Variants in PCDH9 observed in about 807,000 individuals in gnomAD.
The protein encoded by PCDH9 is protocadherin 9.
PCDH9 carries 24 observed loss-of-function variants against 70.6 expected under a neutral mutation model. The observed-to-expected ratio is 0.34, with a 90% CI of 0.25 to 0.48. The LOEUF is 0.48. Ranked by LOEUF, PCDH9 falls within the 20% of genes least tolerant of loss-of-function variation. The pLI, the probability that PCDH9 is intolerant of heterozygous loss-of-function variation, is 0.99. For synonymous variants in PCDH9, 562 were observed against 558.5 expected (o/e 1.01, Z -0.09); for missense variants, 1,281 against 1,503.6 (o/e 0.85, Z 2.45).
intron 4 of PCDH9, among the ~76,000 whole-genome samples, chr13:66,346,241 G>A (rs1023734740): frequency 1.3e-5 from 2 of 152,042 alleles, no homozygotes; most frequent in Admixed American, 1.3e-4. Flanking sequence ...TTTCTTGATT[G>A]CTCGCAAACA....
intron 3 of PCDH9, among the ~76,000 whole-genome samples, chr13:66,804,457 G>A (rs920189807): frequency 2.0e-5 from 3 of 151,908 alleles, no homozygotes; most frequent in African/African-American, 4.8e-5. Context: ...TTTTAACAAA[G>A]TTTCTTGGTT....
chr13:66,717,780 C>A (rs1470315576), intron 3 of PCDH9, among the ~76,000 whole-genome samples: 1 of 151,974 alleles, frequency 6.6e-6, no homozygotes, highest in Admixed American at 6.6e-5. Context: ...TCAACTCTTC[C>A]TAGATCTGAT....
At chr13:66,596,126 G>C (rs147070920) in intron 4 of PCDH9, among the ~76,000 whole-genome samples, 49 of 151,638 alleles carry the variant, frequency 3.2e-4, no homozygotes, top group African/African-American at 1.1e-3. Flanking sequence ...ACATCATTTT[G>C]ATCCAATATT....
At position 66,713,625 on chromosome 13, in the gene PCDH9, G is replaced by GTATATATATA. The variant is rs67681559; in HGVS notation, c.3139-82224_3139-82215dup. 1.3e-3 allele frequency among the ~76,000 whole-genome samples: 140 copies of GTATATATATA among 109,972 alleles called. 1 individual carries two copies. Among genetic ancestry groups the GTATATATATA allele is most frequent in the Admixed American group, 1.9e-3 (19 of 10,046 alleles). 72.1% of individuals were successfully genotyped at this position (109,972 alleles called of 152,430 possible). A position where few individuals can be genotyped will look rare whatever the true frequency, so the allele number is the denominator to read the frequency against. ...ATATATATATAAAGTGTGTGTGTGT[G>GTATATATATA]TATATATATATATATATATATATAT... On this transcript the variant is annotated intron_variant, in intron 3 of 4. Transcript: ENST00000377865.
chr13:66,836,323 C>T (rs1191456124), intron 3 of PCDH9, among the ~76,000 whole-genome samples: 1 of 152,042 alleles, frequency 6.6e-6, no homozygotes, highest in East Asian at 1.9e-4. Context: ...TTATGTTATC[C>T]AAATTTTACT....
chr13:66,735,461 C>CTA (rs1039337110), intron 3 of PCDH9, among the ~76,000 whole-genome samples: 2 of 151,690 alleles, frequency 1.3e-5, no homozygotes, highest in Non-Finnish European at 2.9e-5. Context: ...ATATATAACC[C>CTA]TATATATATA....
intron 3 of PCDH9, among the ~76,000 whole-genome samples, chr13:66,843,246 T>C (rs1435328451): frequency 1.3e-5 from 2 of 152,128 alleles, no homozygotes; most frequent in African/African-American, 4.8e-5. Context: ...AGCCCAAATA[T>C]TGTAAACCTC....
Position 67,226,006 on chromosome 13 carries a change from T to C in PCDH9, c.2435A>G (p.Tyr812Cys). The C allele has an allele frequency of 6.2e-7, 1 of 1,614,072 alleles. No individual in the cohort carries two copies. The highest frequency in any genetic ancestry group is 8.5e-7 in the Non-Finnish European group (1 of 1,179,998). Reference protein sequence around the residue: ...DSSQPYQNEDYLTIMIAIIAG... With the variant: ...DSSQPYQNEDCLTIMIAIIAG... ...GATGATGGCAATCATGATGGTTAGATAGTCCTCATTTTGATAGGGTTGGCT... is the reference window on the plus strand; with the variant it reads ...GATGATGGCAATCATGATGGTTAGACAGTCCTCATTTTGATAGGGTTGGCT... Residue 812 changes from tyrosine (Y) to cysteine (C), a missense_variant, in exon 2 of 5, where the codon TAT (tyrosine) becomes TGT (cysteine). Physicochemically the swap from Tyr to Cys is radical, Grantham distance 194. Coordinates refer to ENST00000377865, the MANE Select transcript of PCDH9 (RefSeq NM_203487.3). This position sits in a 1 kb window ranked among gnomAD's most constrained non-coding sequence, Gnocchi z 5.0.
chr13:67,132,977 G>C (rs1051955401), intron 2 of PCDH9, among the ~76,000 whole-genome samples: 5 of 151,970 alleles, frequency 3.3e-5, no homozygotes, highest in African/African-American at 9.7e-5. Flanking sequence ...AGCTTAAAAT[G>C]GCATCTTTTT....
intron 3 of PCDH9, among the ~76,000 whole-genome samples, chr13:66,673,204 T>C (rs1040728533): frequency 6.6e-6 from 1 of 152,100 alleles, no homozygotes; most frequent in African/African-American, 2.4e-5. Flanking sequence ...AGGGTGGGTT[T>C]TCCCATGCTG....
chr13:66,874,938 T>TGAGA (rs202150724), intron 3 of PCDH9, among the ~76,000 whole-genome samples: 2 of 140,474 alleles, frequency 1.4e-5, no homozygotes, highest in African/African-American at 5.1e-5. Flanking sequence ...TGTGTGTGTG[T>TGAGA]GTGTGAGAGA....
intron 3 of PCDH9, among the ~76,000 whole-genome samples, chr13:66,786,885 A>G (rs945946371): frequency 2.0e-5 from 3 of 152,252 alleles, no homozygotes; most frequent in Non-Finnish European, 4.4e-5. Flanking sequence ...ATTAAGGAGA[A>G]GAAAAAATAA....
chr13:66,611,828 T>G (rs2077296763), intron 4 of PCDH9, among the ~76,000 whole-genome samples: 1 of 152,202 alleles, frequency 6.6e-6, no homozygotes, highest in Admixed American at 6.5e-5. Flanking sequence ...GACTTATTAT[T>G]AACCTAGAAC....
intron 3 of PCDH9, among the ~76,000 whole-genome samples, chr13:66,731,957 T>C (rs2079085208): frequency 6.6e-6 from 1 of 152,016 alleles, no homozygotes; most frequent in Admixed American, 6.6e-5. Flanking sequence ...AACCTCATCA[T>C]ATGTGGAAGG....
At chr13:66,396,377 G>T (rs185438391) in intron 4 of PCDH9, among the ~76,000 whole-genome samples, 3 of 152,116 alleles carry the variant, frequency 2.0e-5, no homozygotes, top group Admixed American at 2.0e-4. Context: ...AGCTTCTCCC[G>T]AATAGGTGAT....
chr13:66,700,934 A>G (rs866293602), intron 3 of PCDH9, among the ~76,000 whole-genome samples: 4,540 of 84,882 alleles, frequency 0.053, 413 homozygotes, highest in East Asian at 0.27. Context: ...ATATATATAT[A>G]TATATATATA....
At chr13:66,454,768 C>T (rs1176103066) in intron 4 of PCDH9, among the ~76,000 whole-genome samples, 1 of 152,016 alleles carries the variant, frequency 6.6e-6, no homozygotes, top group Non-Finnish European at 1.5e-5. Context: ...TAAATTAGTC[C>T]TATGAGCTTT....
chr13:67,089,066 A>G (rs948556722), intron 2 of PCDH9, among the ~76,000 whole-genome samples: 15 of 150,790 alleles, frequency 9.9e-5, no homozygotes, highest in Admixed American at 5.3e-4. Flanking sequence ...GTGAAGTTTT[A>G]AGGTTATTTC....
At chr13:66,707,525 C>A (rs902794714) in intron 3 of PCDH9, among the ~76,000 whole-genome samples, 1 of 152,174 alleles carries the variant, frequency 6.6e-6, no homozygotes, top group Non-Finnish European at 1.5e-5. Flanking sequence ...GATGTTCATG[C>A]CGATCAACAT....
Sources: allele counts gnomAD v4.1 joint callset (sites outside exome capture counted in the v4.1 genomes callset), GRCh38; gene constraint gnomAD v4.1.1; non-coding constraint Gnocchi (gnomAD v3.1); transcripts MANE v1.5; gene names NCBI Gene and HGNC (gene_info 2026-07-23, HGNC 2026-07-21).